NR2F1-AS1: variants seen among roughly 807,000 people sequenced by gnomAD.
The protein encoded by NR2F1-AS1 is NR2F1 antisense RNA 1.
At position 93,484,575 on chromosome 5, in the gene NR2F1-AS1, C is replaced by T. The variant is rs114389069; in HGVS notation, n.638+69186G>A. ...GCAAAATAACCACCTAGCATCATAACGACAGGGTCAAATTCACACAGAACA... is the reference window on the plus strand; with the variant it reads ...GCAAAATAACCACCTAGCATCATAATGACAGGGTCAAATTCACACAGAACA... On this transcript the variant is annotated intron_variant and non_coding_transcript_variant, in intron 4 of 5. Transcript: ENST00000660523. Among the ~76,000 whole-genome samples, 176 of 152,110 alleles carry T rather than the reference C, an allele frequency of 1.2e-3. 1 individual carries two copies. The highest frequency in any genetic ancestry group is 3.9e-3 in the African/African-American group (160 of 41,504).
Position 93,490,986 on chromosome 5 carries a change from G to A in NR2F1-AS1, n.638+62775C>T, listed in dbSNP as rs111066630. 3.2e-3 allele frequency among the ~76,000 whole-genome samples: 477 copies of A among 149,928 alleles called. 1 individual carries two copies. Among genetic ancestry groups the A allele is most frequent in the African/African-American group, 0.011 (458 of 40,718 alleles). ...GGTTGTTCCTGGTAATGGTGTTGAC[G>A]GTGGTTATAGTCATGGTGGTGATGG... On this transcript the variant is annotated intron_variant and non_coding_transcript_variant, in intron 4 of 5. Transcript: ENST00000660523.
At chr5:93,553,965 T>G (rs1200026254) in intron 3 of NR2F1-AS1, 1 of 152,200 alleles carries the variant, frequency 6.6e-6, no homozygotes, top group Non-Finnish European at 1.5e-5. Flanking sequence ...CATATTCTGA[T>G]AAACTTTTAA....
At chr5:93,418,588 A>AAAAT (rs56873600) in intron 4 of NR2F1-AS1, among the ~76,000 whole-genome samples, 11,918 of 149,436 alleles carry the variant, frequency 0.08, 545 homozygotes, top group African/African-American at 0.13. Context: ...CCGTCTCATA[A>AAAAT]AAATAAATAA....
upstream of NR2F1-AS1, among the ~76,000 whole-genome samples, chr5:93,581,998 CTCTCT>C (rs1753102349): frequency 9.4e-6 from 1 of 106,054 alleles, no homozygotes; most frequent in Non-Finnish European, 1.8e-5. Context: ...CTCCCCTCTC[CTCTCT>C]TCTCTCTCTC....
chr5:93,413,000 C>T (rs1748890168), intron 4 of NR2F1-AS1, among the ~76,000 whole-genome samples: 1 of 151,406 alleles, frequency 6.6e-6, no homozygotes, highest in Non-Finnish European at 1.5e-5. Flanking sequence ...TCCCTGGAAA[C>T]CTATGCTGCT....
intron 4 of NR2F1-AS1, among the ~76,000 whole-genome samples, chr5:93,441,218 C>T (rs1262421933): frequency 2.6e-5 from 4 of 152,148 alleles, no homozygotes; most frequent in African/African-American, 9.7e-5. Context: ...CTAAACTGGA[C>T]AACTTGTTCA....
chr5:93,527,892 C>T (rs536951463), intron 4 of NR2F1-AS1, among the ~76,000 whole-genome samples: 1 of 152,126 alleles, frequency 6.6e-6, no homozygotes, highest in South Asian at 2.1e-4. Flanking sequence ...ACCATAAAAA[C>T]CCTAGAAGAA....
At chr5:93,448,195 TA>T (rs573551141) in intron 4 of NR2F1-AS1, among the ~76,000 whole-genome samples, 43 of 149,102 alleles carry the variant, frequency 2.9e-4, no homozygotes, top group Admixed American at 1.1e-3. Context: ...ACTTAAAGTA[TA>T]AAAAAAAAAT....
intron 4 of NR2F1-AS1, among the ~76,000 whole-genome samples, chr5:93,503,681 C>A (rs1490570789): frequency 6.6e-6 from 1 of 152,170 alleles, no homozygotes; most frequent in Non-Finnish European, 1.5e-5. Flanking sequence ...CCTAGATAAG[C>A]AGCCTCTAAT....
intron 4 of NR2F1-AS1, among the ~76,000 whole-genome samples, chr5:93,509,195 G>T (rs6886450): frequency 0.046 from 7,043 of 152,064 alleles, 532 homozygotes; most frequent in African/African-American, 0.16. Context: ...CTCAAAAACA[G>T]AATGCTGAGT....
chr5:93,430,942 A>G (rs895642097), intron 4 of NR2F1-AS1, among the ~76,000 whole-genome samples: 1 of 151,150 alleles, frequency 6.6e-6, no homozygotes, highest in Non-Finnish European at 1.5e-5. Flanking sequence ...AGGAAATCCT[A>G]AGGGGTCAGC....
intron 4 of NR2F1-AS1, among the ~76,000 whole-genome samples, chr5:93,459,592 C>T (rs1750045148): frequency 6.6e-6 from 1 of 152,128 alleles, no homozygotes; most frequent in Admixed American, 6.6e-5. Context: ...CTTGACAAAA[C>T]ATTTTTAAAT....
chr5:93,425,553 C>A (rs915223045), intron 4 of NR2F1-AS1, among the ~76,000 whole-genome samples: 1 of 152,180 alleles, frequency 6.6e-6, no homozygotes, highest in African/African-American at 2.4e-5. Context: ...ACTGTTTTTA[C>A]AATCAACCAA....
chr5:93,434,733 C>G (rs1030243300), intron 4 of NR2F1-AS1, among the ~76,000 whole-genome samples: 40 of 152,166 alleles, frequency 2.6e-4, no homozygotes, highest in African/African-American at 9.4e-4. Context: ...GGTCCAGAAT[C>G]ATCCTTTCAT....
At chr5:93,418,179 T>G (rs887605776) in intron 4 of NR2F1-AS1, among the ~76,000 whole-genome samples, 3 of 152,032 alleles carry the variant, frequency 2.0e-5, no homozygotes, top group African/African-American at 7.2e-5. Flanking sequence ...AGACTCTCAA[T>G]AGGTCACCTA....
chr5:93,585,130 G>C, upstream of NR2F1-AS1: 1 of 1,023,258 alleles, frequency 9.8e-7, no homozygotes, highest in Non-Finnish European at 1.2e-6. Flanking sequence ...GGCGGCGGCG[G>C]CGCCGGCGAG....
intron 4 of NR2F1-AS1, among the ~76,000 whole-genome samples, chr5:93,464,082 C>A (rs1198892870): frequency 6.6e-6 from 1 of 152,118 alleles, no homozygotes. Flanking sequence ...TGTGTCCCCA[C>A]CCAAATCTCA....
chr5:93,452,592 T>C (rs184677430), intron 4 of NR2F1-AS1, among the ~76,000 whole-genome samples: 2 of 152,312 alleles, frequency 1.3e-5, no homozygotes, highest in East Asian at 3.9e-4. Context: ...TGACTATTCA[T>C]CTGCATATGC....
intron 4 of NR2F1-AS1, among the ~76,000 whole-genome samples, chr5:93,434,451 T>G (rs1413161202): frequency 6.6e-6 from 1 of 152,214 alleles, no homozygotes; most frequent in African/African-American, 2.4e-5. Flanking sequence ...TCATTCTTTC[T>G]TGCCCTTCCC....
Sources: gnomAD v4.1 joint callset for allele counts (sites outside exome capture counted in the v4.1 genomes callset) on GRCh38, gnomAD v4.1.1 for gene constraint, MANE v1.5 for transcripts, NCBI Gene and HGNC (gene_info 2026-07-23, HGNC 2026-07-21) for gene names.